The following KHDRBS2 variants were observed in gnomAD, a reference collection of about 807,000 sequenced individuals.
KHDRBS2 encodes the protein KH domain-containing, RNA-binding, signal transduction-associated protein 2.
Under a neutral mutation model 44.3 loss-of-function variants are expected in KHDRBS2, and 26 were observed. That is an observed-to-expected ratio of 0.59 (90% CI 0.43 to 0.81). KHDRBS2 has a LOEUF of 0.81. Ranked by LOEUF, KHDRBS2 falls within the 40% of genes least tolerant of loss-of-function variation. The pLI is 0.00. For synonymous variants in KHDRBS2, 194 were observed against 151.1 expected, an observed-to-expected ratio of 1.28 and a Z score of -2.08; for missense variants, 476 against 433.1, an observed-to-expected ratio of 1.10 and a Z score of -0.88.
At chr6:61,941,762 A>C (rs1352062922) in intron 4 of KHDRBS2, among the ~76,000 whole-genome samples, 1 of 152,176 alleles carries the variant, frequency 6.6e-6, no homozygotes, top group Admixed American at 6.6e-5. Flanking sequence ...TTTAGGAAAA[A>C]GTGTTCTGCT....
chr6:62,096,258 A>T (rs1187746587), intron 2 of KHDRBS2, among the ~76,000 whole-genome samples: 1 of 151,988 alleles, frequency 6.6e-6, no homozygotes, highest in Admixed American at 6.6e-5. Context: ...CCTTTGTTTC[A>T]GTTTTTTGTT....
At chr6:62,062,535 A>G (rs1339416259) in intron 2 of KHDRBS2, among the ~76,000 whole-genome samples, 1 of 151,894 alleles carries the variant, frequency 6.6e-6, no homozygotes, top group Non-Finnish European at 1.5e-5. Flanking sequence ...ACTACTGGGT[A>G]CATAACAAAA....
the KHDRBS2 span, among the ~76,000 whole-genome samples, chr6:61,639,186 C>T: frequency 6.6e-6 from 1 of 151,928 alleles, no homozygotes; most frequent in African/African-American, 2.4e-5. Context: ...CTACAGTCTC[C>T]CATATATGGA....
chr6:62,213,218 AT>A (rs1214353733), intron 1 of KHDRBS2, among the ~76,000 whole-genome samples: 4 of 152,204 alleles, frequency 2.6e-5, no homozygotes, highest in East Asian at 3.9e-4. Context: ...CAGTTTCAAT[AT>A]TTTTTTGCCT....
At chr6:61,701,940 C>A (rs750386499) in intron 7 of KHDRBS2, among the ~76,000 whole-genome samples, 3 of 151,904 alleles carry the variant, frequency 2.0e-5, no homozygotes, top group Non-Finnish European at 4.4e-5. Flanking sequence ...AAGAACTACA[C>A]CAATACTTAA....
intron 6 of KHDRBS2, among the ~76,000 whole-genome samples, chr6:61,766,416 C>A (rs530415299): frequency 1.3e-5 from 2 of 151,866 alleles, no homozygotes; most frequent in African/African-American, 2.4e-5. Flanking sequence ...TTCCAAAAAA[C>A]CACATTTTTG....
chr6:62,249,891 A>G (rs1370024941), intron 1 of KHDRBS2, among the ~76,000 whole-genome samples: 1 of 152,080 alleles, frequency 6.6e-6, no homozygotes, highest in Non-Finnish European at 1.5e-5. Context: ...TTATATAATT[A>G]AAGTTCACAT....
chr6:62,025,674 G>C (rs1783175185), intron 3 of KHDRBS2, among the ~76,000 whole-genome samples: 1 of 151,596 alleles, frequency 6.6e-6, no homozygotes, highest in African/African-American at 2.4e-5. Flanking sequence ...GTTGAAATTT[G>C]GTGCACGCAC....
chr6:61,723,130 A>G (rs1562034097), intron 7 of KHDRBS2, among the ~76,000 whole-genome samples: 1 of 151,220 alleles, frequency 6.6e-6, no homozygotes, highest in East Asian at 1.9e-4. Context: ...CCACAGCAGG[A>G]CTATAGACAA....
At chr6:61,595,444 T>A in the KHDRBS2 span, among the ~76,000 whole-genome samples, 1 of 152,152 alleles carries the variant, frequency 6.6e-6, no homozygotes, top group South Asian at 2.1e-4. Flanking sequence ...GAAATCTATG[T>A]CATTTTTTTC....
chr6:61,940,084 A>C (rs2127374785), intron 4 of KHDRBS2, among the ~76,000 whole-genome samples: 1 of 152,238 alleles, frequency 6.6e-6, no homozygotes, highest in Admixed American at 6.5e-5. Context: ...CAAATGTATA[A>C]GCTTTTAAGA....
In KHDRBS2 at chr6:62,218,434, A is replaced by G. The variant is rs376294436; in HGVS notation, c.92-41122T>C. On this transcript the variant is annotated intron_variant, in intron 1 of 8. Coordinates refer to ENST00000281156, the MANE Select transcript of KHDRBS2 (RefSeq NM_152688.4). ...ATACAAGCAAAGATAACATGACATG[A>G]ACAGAACCAACACAAACAAAAGAAA... is the stretch of plus-strand genomic sequence containing the variant. Among the ~76,000 whole-genome samples, 304 of 151,976 alleles carry G rather than the reference A, an allele frequency of 2.0e-3. 10 individuals are homozygous for G. In the South Asian group the frequency reaches 0.06, roughly 30 times the overall value.
intron 2 of KHDRBS2, among the ~76,000 whole-genome samples, chr6:62,112,690 C>T (rs547781034): frequency 6.6e-6 from 1 of 152,048 alleles, no homozygotes; most frequent in East Asian, 1.9e-4. Context: ...TATTTGGTAA[C>T]CTTCCTCTGA....
intron 4 of KHDRBS2, among the ~76,000 whole-genome samples, chr6:61,953,456 C>T (rs1765196660): frequency 1.3e-5 from 2 of 152,036 alleles, no homozygotes; most frequent in South Asian, 4.2e-4. Context: ...GACTCAGAAC[C>T]ATCTAAACTG....
At chr6:61,572,155 A>G in the KHDRBS2 span, among the ~76,000 whole-genome samples, 1 of 152,144 alleles carries the variant, frequency 6.6e-6, no homozygotes, top group Non-Finnish European at 1.5e-5. Context: ...GATATCACAG[A>G]AATACAAACG....
intron 2 of KHDRBS2, among the ~76,000 whole-genome samples, chr6:62,109,229 G>A (rs1370366466): frequency 6.6e-6 from 1 of 151,878 alleles, no homozygotes; most frequent in Non-Finnish European, 1.5e-5. Flanking sequence ...CTAAACAAGA[G>A]AAACCATATG....
At chr6:61,631,403 T>A in the KHDRBS2 span, among the ~76,000 whole-genome samples, 3 of 146,792 alleles carry the variant, frequency 2.0e-5, no homozygotes, top group African/African-American at 7.5e-5. Flanking sequence ...GAGGCATACC[T>A]AACCCACTTC....
chr6:61,625,518 C>T, the KHDRBS2 span, among the ~76,000 whole-genome samples: 1 of 151,834 alleles, frequency 6.6e-6, no homozygotes, highest in African/African-American at 2.4e-5. Context: ...CATGCTCTTC[C>T]TGGGCTGTCC....
chr6:61,995,573 T>G (rs1251831012), intron 3 of KHDRBS2, among the ~76,000 whole-genome samples: 1 of 152,158 alleles, frequency 6.6e-6, no homozygotes, highest in African/African-American at 2.4e-5. Flanking sequence ...TGGTACTTCC[T>G]TTCACTCTCA....
Sources: allele counts gnomAD v4.1 joint callset (sites outside exome capture counted in the v4.1 genomes callset), GRCh38; gene constraint gnomAD v4.1.1; transcripts MANE v1.5; gene names NCBI Gene and HGNC (gene_info 2026-07-23, HGNC 2026-07-21).